ARRDC2: variants seen among roughly 807,000 people sequenced by gnomAD.
The protein encoded by ARRDC2 is arrestin domain containing 2.
ARRDC2 carries 39 observed loss-of-function variants against 38.9 expected under a neutral mutation model. That is an observed-to-expected ratio of 1.00 (90% CI 0.78 to 1.31). ARRDC2 has a LOEUF of 1.31. ARRDC2 is among the 50% of genes most tolerant of loss of function. ARRDC2 has a pLI of 0.00. For synonymous variants in ARRDC2, 300 were observed against 261.9 expected (o/e 1.15, Z -1.41); for missense variants, 553 against 588.4 (o/e 0.94, Z 0.62).
At position 18,008,413 on chromosome 19, in the gene ARRDC2, C is replaced by T; in HGVS notation, c.103C>T (p.Leu35=). The T allele has an allele frequency of 6.3e-7, 1 of 1,594,262 alleles. No individual in the cohort carries two copies. The highest frequency in any genetic ancestry group is 8.5e-7 in the Non-Finnish European group (1 of 1,177,840). Reference sequence around the variant, plus strand: ...CGGCCAGGCCGTGGCGGGCCGGGTGCTGCTGGAGCTGTCAAGCGCCGCGCG... The same window carrying T: ...CGGCCAGGCCGTGGCGGGCCGGGTGTTGCTGGAGCTGTCAAGCGCCGCGCG... ...SGGQAVAGRV[L]LELSSAARVG... Residue 35 remains leucine (L), a synonymous_variant, in exon 1 of 8, where the codon CTG becomes TTG. Transcript: ENST00000222250.
In ARRDC2 at chr19:18,009,712, C is replaced by T; in HGVS notation, c.592+18C>T. 6.2e-7 allele frequency: 1 copy of T among 1,612,184 alleles called. No individual in the cohort carries two copies. Among genetic ancestry groups the T allele is most frequent in the Non-Finnish European group, 8.5e-7 (1 of 1,179,084 alleles). On this transcript the variant is annotated intron_variant, in intron 4 of 7. Transcript: ENST00000222250. ...CACCCCAGGTAGCAGGCGGACCGGA[C>T]TGGGTTGGGACGGGGGCTGGTGTTG...
chr19:18,005,593 C>T (rs533202916), upstream of ARRDC2, among the ~76,000 whole-genome samples: 854 of 150,174 alleles, frequency 5.7e-3, 7 homozygotes, highest in Non-Finnish European at 9.2e-3. Flanking sequence ...CCTCACCTCC[C>T]GGACGGGGCG....
intron 1 of ARRDC2, among the ~76,000 whole-genome samples, chr19:18,003,024 C>T (rs1028501350): frequency 1.3e-5 from 2 of 152,012 alleles, no homozygotes; most frequent in African/African-American, 2.4e-5. Context: ...TGCTTGAACC[C>T]GGCAGGCGGA....
chr19:18,010,607 GAGGAGGCAGCCTTGGGGCAGAGC>G lies in ARRDC2; in HGVS notation c.1049_1071del (p.Glu350AlafsTer13). The G allele has an allele frequency of 1.2e-6, 2 of 1,613,862 alleles. No homozygotes were observed. Among genetic ancestry groups the G allele is most frequent in the Non-Finnish European group, 1.7e-6 (2 of 1,180,018 alleles). On this transcript the variant is annotated frameshift_variant, in exon 7 of 8. Coordinates refer to ENST00000222250, the MANE Select transcript of ARRDC2 (RefSeq NM_015683.2). LOFTEE classifies it high-confidence loss of function. ...GTACTCGGAGGTGGTAGCCGACACT[GAGGAGGCAGCCTTGGGGCAGAGC>G]CCCTTCCCGCTTCCGCAGGACCCCG... is the stretch of plus-strand genomic sequence containing the variant.
Position 18,008,550 on chromosome 19 carries a change from G to C in ARRDC2, c.240G>C (p.Glu80Asp). The change falls in exon 1 of 8, where the codon GAG becomes GAC. Residue 80 changes from glutamate (E) to aspartate (D), a missense_variant. This residue lies in a region of ARRDC2 where 447 missense variants were observed against 456.6 expected (regional missense o/e 0.98). Transcript: ENST00000222250. ...CGCAGAGCTACAGTGAACGCGTGGA[G>C]GTCGTGAGCCACCGCGCCACGCTCC... ...AYTQSYSERV[E>D]VVSHRATLLA... 2 of 1,567,048 alleles carry C rather than the reference G, an allele frequency of 1.3e-6. No individual in the cohort carries two copies. The highest frequency in any genetic ancestry group is 1.1e-5 in the South Asian group (1 of 88,260).
chr19:18,008,170 G>A lies in ARRDC2; in HGVS notation c.-141G>A, dbSNP rs1051942189. On this transcript the variant is annotated 5_prime_UTR_variant, in exon 1 of 8. Coordinates refer to ENST00000222250, the MANE Select transcript of ARRDC2 (RefSeq NM_015683.2). ...AAGCGGCGCCGACGCACGGCGCGGG[G>A]ATTTTCTGCTCCGGTTGGTGAGCGC... The A allele has an allele frequency of 2.1e-6, 3 of 1,445,008 alleles. No individual in the cohort carries two copies. Among genetic ancestry groups the A allele is most frequent in the Non-Finnish European group, 2.7e-6 (3 of 1,110,762 alleles). 89.5% of individuals were successfully genotyped at this position (1,445,008 alleles called of 1,614,324 possible). A position where few individuals can be genotyped will look rare whatever the true frequency, so the allele number is the denominator to read the frequency against.
upstream of ARRDC2, among the ~76,000 whole-genome samples, chr19:18,005,752 TG>T (rs1359501136): frequency 1.3e-5 from 2 of 149,966 alleles, no homozygotes; most frequent in Non-Finnish European, 3.0e-5. Context: ...ACGGGGCGAC[TG>T]GCTTGGCGGG....
chr19:18,006,951 C>T (rs536323519), upstream of ARRDC2, among the ~76,000 whole-genome samples: 1 of 152,350 alleles, frequency 6.6e-6, no homozygotes, highest in East Asian at 1.9e-4. Context: ...TCCCAGGCAG[C>T]CTTCCAGGCT....
chr19:18,009,233 G>C, intron 3 of ARRDC2, 115 bp downstream of exon 3: 1 of 1,276,066 alleles, frequency 7.8e-7, no homozygotes, highest in Non-Finnish European at 1.1e-6. Context: ...TGGCAGGGAG[G>C]GAGGCAGGTG....
exon 1 of ARRDC2, chr19:18,001,192 G>C: frequency 9.5e-7 from 1 of 1,049,892 alleles, no homozygotes; most frequent in Non-Finnish European, 1.2e-6. Flanking sequence ...AAGTTCGCCG[G>C]GGGGGCCCGG....
chr19:18,013,238 T>C lies in ARRDC2; in HGVS notation c.*272T>C. On this transcript the variant is annotated 3_prime_UTR_variant, in exon 8 of 8. Transcript: ENST00000222250. ...TTAATAACCTGTCTTCCCAGCCAAT[T>C]GGTGGTGCTGGAATCCCCTAGGAGC... 2.3e-6 allele frequency: 1 copy of C among 438,172 alleles called. No homozygotes were observed. The highest frequency in any genetic ancestry group is 4.1e-6 in the Non-Finnish European group (1 of 244,348). 27.1% of individuals were successfully genotyped at this position (438,172 alleles called of 1,614,324 possible). A position where few individuals can be genotyped will look rare whatever the true frequency, so the allele number is the denominator to read the frequency against.
exon 1 of ARRDC2, chr19:18,001,494 C>T: frequency 1.5e-6 from 2 of 1,359,396 alleles, no homozygotes; most frequent in Non-Finnish European, 1.9e-6. Flanking sequence ...TGGAGGGTCG[C>T]AGCGTGGGCG....
rs1599397096 is a variant in ARRDC2, at chr19:18,008,400, G to A, written c.90G>A (p.Val30=). ...CCGTGTTTAGCGGCGGCCAGGCCGT[G>A]GCGGGCCGGGTGCTGCTGGAGCTGT... ...VEPVFSGGQA[V]AGRVLLELSS... is the part of the protein sequence containing the mutation. The change falls in exon 1 of 8, where the codon GTG becomes GTA. Residue 30 remains valine (V), a synonymous_variant. Transcript: ENST00000222250. 1.3e-6 allele frequency: 2 copies of A among 1,595,066 alleles called. No individual in the cohort carries two copies. The highest frequency in any genetic ancestry group is 1.7e-6 in the Non-Finnish European group (2 of 1,178,248).
intron 3 of ARRDC2, 75 bp from the exon 4 acceptor site, chr19:18,009,517 G>A: frequency 7.5e-7 from 1 of 1,340,480 alleles, no homozygotes; most frequent in Non-Finnish European, 1.0e-6. Flanking sequence ...TCAGCTGGGG[G>A]TGGTTTGGAA....
upstream of ARRDC2, among the ~76,000 whole-genome samples, chr19:18,006,633 G>GGGGAGA (rs147340744): frequency 0.038 from 5,803 of 151,964 alleles, 366 homozygotes; most frequent in African/African-American, 0.13. Flanking sequence ...GGGAGACCAA[G>GGGGAGA]GGGAGAGGGA....
upstream of ARRDC2, among the ~76,000 whole-genome samples, chr19:18,004,942 G>A (rs145610031): frequency 0.036 from 5,493 of 150,818 alleles, 146 homozygotes; most frequent in East Asian, 0.13. Flanking sequence ...CCTAGATCGC[G>A]CCACTGCACT....
chr19:18,002,760 G>C (rs897654715), intron 1 of ARRDC2, among the ~76,000 whole-genome samples: 12 of 152,152 alleles, frequency 7.9e-5, no homozygotes, highest in Non-Finnish European at 1.5e-4. Flanking sequence ...TCTTGGGACC[G>C]CTTTCACCCG....
Position 18,013,059 on chromosome 19 carries a change from G to A in ARRDC2, c.*93G>A, listed in dbSNP as rs1282323102. On this transcript the variant is annotated 3_prime_UTR_variant, in exon 8 of 8. Transcript: ENST00000222250. The stretch of plus-strand genomic sequence containing the variant: ...GGCTGGACCAAGGGCTGACCTCCCC[G>A]ACTGCATCAAAGTTGGGGAACCAAG... The A allele has an allele frequency of 9.6e-6, 13 of 1,353,422 alleles. No individual in the cohort carries two copies. Among genetic ancestry groups the A allele is most frequent in the Admixed American group, 1.9e-5 (1 of 51,948 alleles). The allele number at this position is 1,353,422 out of a possible 1,614,324, so 83.8% of individuals were successfully genotyped here.
intron 7 of ARRDC2, among the ~76,000 whole-genome samples, chr19:18,011,923 T>C (rs1370236071): frequency 8.5e-6 from 1 of 118,006 alleles, no homozygotes; most frequent in Admixed American, 9.7e-5. Context: ...ATATTTTGTG[T>C]GTGTATATGT....
Sources: gnomAD v4.1 joint callset for allele counts (sites outside exome capture counted in the v4.1 genomes callset) on GRCh38, gnomAD v4.1.1 for gene constraint, gnomAD v4.1.1 regional missense constraint, MANE v1.5 for transcripts, NCBI Gene and HGNC (gene_info 2026-07-23, HGNC 2026-07-21) for gene names.